The following MSRA variants were observed in gnomAD, a reference collection of about 807,000 sequenced individuals.
MSRA encodes mitochondrial peptide methionine sulfoxide reductase.
In MSRA, 54 loss-of-function variants were observed where a neutral mutation model predicts 31.3. That is an observed-to-expected ratio of 1.73 (90% CI 1.39 to 2.17). MSRA has a LOEUF of 2.17. MSRA is among the 30% of genes most tolerant of loss of function. MSRA has a pLI of 0.00. For synonymous variants in MSRA, 169 were observed against 116.5 expected, an observed-to-expected ratio of 1.45 and a Z score of -2.90; for missense variants, 507 against 300.9, an observed-to-expected ratio of 1.69 and a Z score of -5.07.
At chr8:10,115,806 T>C (rs977491706) in intron 1 of MSRA, among the ~76,000 whole-genome samples, 2 of 152,164 alleles carry the variant, frequency 1.3e-5, no homozygotes, top group Admixed American at 6.5e-5. Context: ...TAAGAAGAGT[T>C]AGAAGAGGAC....
chr8:10,358,565 C>CTTTT lies in MSRA; in HGVS notation c.543+38618_543+38621dup, dbSNP rs59106668. 1.7e-4 allele frequency among the ~76,000 whole-genome samples: 11 copies of CTTTT among 64,004 alleles called. No individual in the cohort carries two copies. In the South Asian group the frequency reaches 1.9e-3, roughly 11 times the overall value. The allele number at this position is 64,004 out of a possible 152,430, so 42.0% of individuals were successfully genotyped here. On this transcript the variant is annotated intron_variant, in intron 5 of 5. Transcript: ENST00000317173. ...GTCAGATCAGCGGCAGCATTAGATT[C>CTTTT]TTTTTTTTTTTTTTTTTTTTTTTTT...
At chr8:10,125,619 C>A (rs915585437) in intron 1 of MSRA, among the ~76,000 whole-genome samples, 1 of 152,104 alleles carries the variant, frequency 6.6e-6, no homozygotes, top group Admixed American at 6.5e-5. Context: ...GCAGGTATAG[C>A]GGGAACCACT....
chr8:10,111,665 T>A (rs1800294251), intron 1 of MSRA, among the ~76,000 whole-genome samples: 2 of 152,224 alleles, frequency 1.3e-5, no homozygotes, highest in East Asian at 3.8e-4. Flanking sequence ...GGAATGGGAA[T>A]GTTCTTGTTC....
intron 3 of MSRA, among the ~76,000 whole-genome samples, chr8:10,251,208 C>CT (rs35628965): frequency 0.016 from 2,348 of 148,430 alleles, 61 homozygotes; most frequent in African/African-American, 0.054. Flanking sequence ...ACTCAGTATA[C>CT]TTTTTTTTTT....
intron 1 of MSRA, among the ~76,000 whole-genome samples, chr8:10,165,850 T>A (rs1009558514): frequency 6.6e-6 from 1 of 151,892 alleles, no homozygotes; most frequent in African/African-American, 2.4e-5. Context: ...ATTCTCAGTT[T>A]TAAAACGTGT....
At chr8:10,057,565 C>G (rs752984949) in intron 1 of MSRA, among the ~76,000 whole-genome samples, 13 of 152,118 alleles carry the variant, frequency 8.5e-5, no homozygotes, top group Non-Finnish European at 1.5e-4. Flanking sequence ...TCACGTAAAT[C>G]TCATTTCGAA....
chr8:10,074,043 T>G (rs1420102526), intron 1 of MSRA, among the ~76,000 whole-genome samples: 3 of 140,124 alleles, frequency 2.1e-5, no homozygotes, highest in Non-Finnish European at 4.7e-5. Flanking sequence ...CATTTTGTTT[T>G]GTCTAAGGGA....
At chr8:10,336,145 G>A (rs1803028586) in intron 5 of MSRA, among the ~76,000 whole-genome samples, 1 of 152,134 alleles carries the variant, frequency 6.6e-6, no homozygotes, top group African/African-American at 2.4e-5. Flanking sequence ...TGTTTAATTT[G>A]TCAAGATCAG....
At chr8:10,392,890 C>CAAAAAAAAAAAAAAAAAAAAAAAAAAAAA (rs869085304) in intron 5 of MSRA, among the ~76,000 whole-genome samples, 1 of 113,282 alleles carries the variant, frequency 8.8e-6, no homozygotes, top group Non-Finnish European at 1.7e-5. Flanking sequence ...ACTAAAAATG[C>CAAAAAAAAAAAAAAAAAAAAAAAAAAAAA]AAAAAAAAAA....
At chr8:10,385,913 C>T (rs1329938443) in intron 5 of MSRA, among the ~76,000 whole-genome samples, 1 of 152,034 alleles carries the variant, frequency 6.6e-6, no homozygotes. Flanking sequence ...TACGTCGTGA[C>T]AGAGGAGGAC....
Position 10,427,621 on chromosome 8 carries a change from G to T in MSRA, c.544-527G>T, listed in dbSNP as rs1809263141. Among the ~76,000 whole-genome samples, 4 of 152,152 alleles carry T rather than the reference G, an allele frequency of 2.6e-5. No homozygotes were observed. The South Asian group carries it at 8.3e-4, about 32-fold the overall frequency. Reference sequence around the variant, plus strand: ...GGACACTCTGTCTATCCTGGGAGTGGGCTGGGGTCCTGTTCCTGAGCTGGT... The same window carrying T: ...GGACACTCTGTCTATCCTGGGAGTGTGCTGGGGTCCTGTTCCTGAGCTGGT... On this transcript the variant is annotated intron_variant, in intron 5 of 5. Coordinates refer to ENST00000317173, the MANE Select transcript of MSRA (RefSeq NM_012331.5).
At chr8:10,204,909 T>C (rs1008567748) in intron 1 of MSRA, among the ~76,000 whole-genome samples, 1 of 152,178 alleles carries the variant, frequency 6.6e-6, no homozygotes, top group Admixed American at 6.5e-5. Context: ...GAGCTTGCAG[T>C]CTACTGATAG....
intron 3 of MSRA, among the ~76,000 whole-genome samples, chr8:10,257,377 C>T (rs534231569): frequency 2.0e-5 from 3 of 152,282 alleles, no homozygotes; most frequent in African/African-American, 4.8e-5. Flanking sequence ...ATGTATTCTA[C>T]TCTGTGTGTG....
chr8:10,105,899 T>C (rs951335601), intron 1 of MSRA, among the ~76,000 whole-genome samples: 16 of 152,178 alleles, frequency 1.1e-4, no homozygotes, highest in South Asian at 6.2e-4. Flanking sequence ...ACAGAAGATA[T>C]AGAAACCAGG....
chr8:10,239,143 G>A (rs530605726), intron 2 of MSRA, among the ~76,000 whole-genome samples: 19 of 152,130 alleles, frequency 1.2e-4, no homozygotes, highest in African/African-American at 2.2e-4. Flanking sequence ...AACCTCAGTG[G>A]TGATTAGCTA....
At chr8:10,264,601 C>T (rs1053573522) in intron 3 of MSRA, among the ~76,000 whole-genome samples, 3 of 152,138 alleles carry the variant, frequency 2.0e-5, no homozygotes, top group African/African-American at 7.2e-5. Flanking sequence ...AAGGGCTGAG[C>T]TGCTTGGAGA....
At chr8:10,082,589 C>T (rs187971015) in intron 1 of MSRA, among the ~76,000 whole-genome samples, 1 of 152,306 alleles carries the variant, frequency 6.6e-6, no homozygotes, top group Admixed American at 6.5e-5. Context: ...AAGTTGTTTT[C>T]TCAAGCAAAG....
At chr8:10,078,913 G>A (rs917635756) in intron 1 of MSRA, among the ~76,000 whole-genome samples, 1 of 152,184 alleles carries the variant, frequency 6.6e-6, no homozygotes, top group Non-Finnish European at 1.5e-5. Context: ...AAAATAAATG[G>A]GGATCACATT....
At chr8:10,213,808 C>T (rs114116331) in intron 2 of MSRA, among the ~76,000 whole-genome samples, 1,534 of 152,112 alleles carry the variant, frequency 0.01, 29 homozygotes, top group African/African-American at 0.035. Flanking sequence ...GAGGTCTCTT[C>T]GATACACTGA....
Sources: gnomAD v4.1 joint callset for allele counts (sites outside exome capture counted in the v4.1 genomes callset) on GRCh38, gnomAD v4.1.1 for gene constraint, MANE v1.5 for transcripts, NCBI Gene and HGNC (gene_info 2026-07-23, HGNC 2026-07-21) for gene names.